KRT14: variants seen among roughly 807,000 people sequenced by gnomAD.
KRT14 encodes keratin, type I cytoskeletal 14.
Under a neutral mutation model 44.5 loss-of-function variants are expected in KRT14, and 30 were observed. The ratio of observed to expected loss-of-function variants is 0.67; its 90% confidence interval spans 0.50 to 0.92. KRT14 has a LOEUF of 0.92. KRT14 is among the 40% of genes least tolerant of loss of function. The probability of loss-of-function intolerance (pLI) is 0.00; values close to 1 mark genes in which losing one functional copy is unlikely to be tolerated. For missense variants in KRT14, 535 were observed against 640.6 expected (o/e 0.84, Z 1.78); for synonymous variants, 241 against 257.6 (o/e 0.94, Z 0.62).
rs767641928 is a variant in KRT14 at position 41,583,584 on chromosome 17, G to A, written c.1020C>T (p.Asn340=). ...GCTGGGACTGCAGCTCAATCTCCAG[G>A]TTCTGCATGGTGCGCCGGAGCTCCG... is the stretch of plus-strand genomic sequence containing the variant. The part of the protein sequence containing the change: ...EISELRRTMQ[N]LEIELQSQLS... Residue 340 remains asparagine (N), a synonymous_variant, in exon 5 of 8, where the codon AAC becomes AAT. Coordinates refer to ENST00000167586, the MANE Select transcript of KRT14 (RefSeq NM_000526.5). 1 of 1,614,208 alleles carries A rather than the reference G, an allele frequency of 6.2e-7. No homozygotes were observed. The highest frequency in any genetic ancestry group is 1.1e-5 in the South Asian group (1 of 91,084).
chr17:41,584,972 C>T lies in KRT14; in HGVS notation c.608+3G>A, dbSNP rs757643841. 4 of 1,611,970 alleles carry T rather than the reference C, an allele frequency of 2.5e-6. No individual in the cohort carries two copies. In the African/African-American group the frequency reaches 4.0e-5, roughly 16 times the overall value. ...ATGTTCTGGCCCACCATTTCAAACT[C>T]ACTTGGTGCGGAAGTCATCCGCGGC... On this transcript the variant is annotated splice_donor_region_variant and intron_variant, in intron 2 of 7. Coordinates refer to ENST00000167586, the MANE Select transcript of KRT14 (RefSeq NM_000526.5).
At chr17:41,586,119 G>A (rs544038435) in intron 1 of KRT14, among the ~76,000 whole-genome samples, 191 bp downstream of exon 1, 1 of 152,354 alleles carries the variant, frequency 6.6e-6, no homozygotes, top group Non-Finnish European at 1.5e-5. Context: ...GAGATCAGAA[G>A]GGGATGAGGA....
rs759373085 is a variant in KRT14 at position 41,586,412 on chromosome 17, G to A, written c.423C>T (p.Ala141=). 17 of 1,613,882 alleles carry A rather than the reference G, an allele frequency of 1.1e-5. No individual in the cohort carries two copies. Among genetic ancestry groups the A allele is most frequent in the African/African-American group, 2.7e-5 (2 of 74,882 alleles). The part of the protein sequence containing the change: ...DKVRALEEAN[A]DLEVKIRDWY... ...AGTCACGGATCTTCACTTCCAGGTC[G>A]GCGTTGGCCTCCTCCAGAGCACGCA... The change falls in exon 1 of 8, where the codon GCC becomes GCT. Residue 141 remains alanine, a synonymous_variant. Coordinates refer to ENST00000167586, the MANE Select transcript of KRT14 (RefSeq NM_000526.5).
rs1272326607 is a variant in KRT14, at chr17:41,584,312, A to G, written c.710T>C (p.Met237Thr). The G allele has an allele frequency of 6.2e-7, 1 of 1,613,840 alleles. No homozygotes were observed. The highest frequency in any genetic ancestry group is 1.1e-5 in the South Asian group (1 of 91,068). Reference sequence around the variant, plus strand: ...CTCCTCCTTCAGGCTCTCAATCTGCATCTCCAGGTCAGCTCTGGCCAGGGT... The same window carrying G: ...CTCCTCCTTCAGGCTCTCAATCTGCGTCTCCAGGTCAGCTCTGGCCAGGGT... ...ELTLARADLE[M>T]QIESLKEELA... Residue 237 changes from methionine to threonine, a missense_variant, in exon 3 of 8, where the codon ATG becomes ACG. Coordinates refer to ENST00000167586, the MANE Select transcript of KRT14 (RefSeq NM_000526.5).
In KRT14 at chr17:41,583,656, CT is replaced by C; in HGVS notation, c.947del (p.Glu316GlyfsTer36). 6.2e-7 allele frequency: 1 copy of C among 1,614,220 alleles called. No homozygotes were observed. Among genetic ancestry groups the C allele is most frequent in the Non-Finnish European group, 8.5e-7 (1 of 1,180,040 alleles). On this transcript the variant is annotated frameshift_variant, in exon 5 of 8. Coordinates refer to ENST00000167586, the MANE Select transcript of KRT14 (RefSeq NM_000526.5). LOFTEE classifies it high-confidence loss of function. ...GCACCAGCTCGCTGTTGGTGGCCAC[CT>C]CGCGGTTCAGCTCCTCTGTCTGCAA... The part of the protein sequence containing the change: ...FFTKTEELNR[E>X]VATNSELVQS...
chr17:41,585,316 A>C (rs1455403540), intron 1 of KRT14, among the ~76,000 whole-genome samples: 4 of 152,150 alleles, frequency 2.6e-5, no homozygotes, highest in Non-Finnish European at 5.9e-5. Context: ...CAATTCTGCC[A>C]GTGTCTTGCT....
In KRT14 at chr17:41,585,073, G is replaced by A; in HGVS notation, c.526-16C>T. On this transcript the variant is annotated splice_polypyrimidine_tract_variant and intron_variant, in intron 1 of 7. Transcript: ENST00000167586. ...CTGTGAGAATCTGCAGGATGGAAAA[G>A]GCACAGGTAATTTGTCAAATGGACT... 1 of 1,601,412 alleles carries A rather than the reference G, an allele frequency of 6.2e-7. No homozygotes were observed. The highest frequency in any genetic ancestry group is 8.6e-7 in the Non-Finnish European group (1 of 1,168,724).
At position 41,586,744 on chromosome 17, in the gene KRT14, T is replaced by A. The variant is rs750673779; in HGVS notation, c.91A>T (p.Ile31Phe). 7.6e-6 allele frequency: 12 copies of A among 1,586,242 alleles called. No homozygotes were observed. In the South Asian group the frequency reaches 1.2e-4, roughly 16 times the overall value. ...GACCCTCCGGCCAGGACGGAGGAGA[T>A]GCGGCTGGAGCCGCCCCCGATGCCG... The part of the protein sequence containing the change: ...GGGIGGGSSR[I>F]SSVLAGGSCR... The change falls in exon 1 of 8, where the codon ATC (isoleucine) becomes TTC (phenylalanine). Residue 31 changes from isoleucine (I) to phenylalanine (F), a missense_variant. Transcript: ENST00000167586.
Position 41,583,689 on chromosome 17 carries a change from G to T in KRT14, c.928-13C>A. On this transcript the variant is annotated splice_polypyrimidine_tract_variant and intron_variant, in intron 4 of 7. Coordinates refer to ENST00000167586, the MANE Select transcript of KRT14 (RefSeq NM_000526.5). The stretch of plus-strand genomic sequence containing the variant: ...TCAGCTCCTCTGTCTGCAAAAAAGA[G>T]AATGCCATTCACACCAGAAGGCCCC... 5.0e-6 allele frequency: 8 copies of T among 1,614,260 alleles called. No individual in the cohort carries two copies. The highest frequency in any genetic ancestry group is 6.8e-6 in the Non-Finnish European group (8 of 1,180,056).
rs1174789424 is a variant in KRT14 at position 41,583,377 on chromosome 17, C to T, written c.1132G>A (p.Gly378Ser). 6.2e-7 allele frequency: 1 copy of T among 1,613,778 alleles called. No homozygotes were observed. The change falls in exon 6 of 8, where the codon GGC becomes AGC. Residue 378 changes from glycine (G) to serine (S), a missense_variant. Physicochemically the swap from Gly to Ser is moderately conservative, Grantham distance 56. Transcript: ENST00000167586. ...TGGGCCAGCTGCTCCTCCACGCTGC[C>T]AATCATCTCCTGGATCTGGGCCAGC... The part of the protein sequence containing the change: ...MQLAQIQEMI[G>S]SVEEQLAQLR...
chr17:41,584,066 TCTC>T (rs1489287524), intron 3 of KRT14, 145 bp from the exon 4 acceptor site: 17 of 360,876 alleles, frequency 4.7e-5, no homozygotes, highest in Middle Eastern at 4.9e-4. Context: ...TCTCTCTCTC[TCTC>T]TTTTTTTTTT....
chr17:41,582,452 G>A lies in KRT14; in HGVS notation c.1402C>T (p.Leu468Phe). The change falls in exon 8 of 8, where the codon CTT becomes TTT. Residue 468 changes from leucine (L) to phenylalanine (F), a missense_variant. Physicochemically the swap from Leu to Phe is conservative, Grantham distance 22. Transcript: ENST00000167586. Reference sequence around the variant, plus strand: ...GGGCAGCCTCAGTTCTTGGTGCGAAGGACCTGCTCGTGGGTGGACACCACC... The same window carrying A: ...GGGCAGCCTCAGTTCTTGGTGCGAAAGACCTGCTCGTGGGTGGACACCACC... ...GKVVSTHEQV[L>F]RTKN 1.9e-6 allele frequency: 3 copies of A among 1,567,752 alleles called. No homozygotes were observed. Among genetic ancestry groups the A allele is most frequent in the Non-Finnish European group, 2.6e-6 (3 of 1,156,360 alleles).
At position 41,583,254 on chromosome 17, in the gene KRT14, G is replaced by T; in HGVS notation, c.1255C>A (p.Leu419Met). The T allele has an allele frequency of 1.2e-6, 2 of 1,613,532 alleles. No homozygotes were observed. Among genetic ancestry groups the T allele is most frequent in the Non-Finnish European group, 1.7e-6 (2 of 1,179,978 alleles). The change falls in exon 6 of 8, where the codon CTG (leucine) becomes ATG (methionine). Residue 419 changes from leucine to methionine, a missense_variant. Leu to Met is a conservative substitution (Grantham distance 15, BLOSUM62 2). Coordinates refer to ENST00000167586, the MANE Select transcript of KRT14 (RefSeq NM_000526.5). The stretch of plus-strand genomic sequence containing the variant: ...ACTCACTGGGCGTCCTCGCCCTCCA[G>T]CAGGCGGCGGTAGGTGGCGATCTCC... ...EQEIATYRRL[L>M]EGEDAHLSSS...
chr17:41,582,402 GGGCCTCCTA>G lies in KRT14; in HGVS notation c.*24_*32del. On this transcript the variant is annotated 3_prime_UTR_variant, in exon 8 of 8. Coordinates refer to ENST00000167586, the MANE Select transcript of KRT14 (RefSeq NM_000526.5). ...CCAGTGGGATCTGTGTCCACACGGG[GGGCCTCCTA>G]GGCCTGAGCGGGGCTGGGCAGCCTC... 1 of 1,504,736 alleles carries G rather than the reference GGGCCTCCTA, an allele frequency of 6.6e-7. No homozygotes were observed. Among genetic ancestry groups the G allele is most frequent in the South Asian group, 1.2e-5 (1 of 83,184 alleles). 93.2% of individuals were successfully genotyped at this position (1,504,736 alleles called of 1,614,324 possible).
chr17:41,584,880 A>G (rs998586963), intron 2 of KRT14, 95 bp downstream of exon 2: 4 of 924,672 alleles, frequency 4.3e-6, no homozygotes, highest in South Asian at 2.7e-5. Context: ...TCATGCACCT[A>G]TCCTGGTACT....
At chr17:41,585,427 G>C (rs1200117980) in intron 1 of KRT14, among the ~76,000 whole-genome samples, 2 of 152,174 alleles carry the variant, frequency 1.3e-5, no homozygotes, top group African/African-American at 4.8e-5. Flanking sequence ...CCTCTCTTCT[G>C]TCTGCATCAG....
At chr17:41,586,039 C>T (rs1470721686) in intron 1 of KRT14, among the ~76,000 whole-genome samples, 1 of 152,222 alleles carries the variant, frequency 6.6e-6, no homozygotes, top group African/African-American at 2.4e-5. Context: ...CAGCACCTCT[C>T]GAAGCTTCAA....
chr17:41,584,074 T>TTTG, intron 3 of KRT14, among the ~76,000 whole-genome samples, 153 bp from the exon 4 acceptor site: 1 of 128,288 alleles, frequency 7.8e-6, no homozygotes, highest in South Asian at 2.8e-4. Context: ...TCTCTCTTTT[T>TTTG]TTTTTTTTTT....
At chr17:41,585,514 C>T (rs961340361) in intron 1 of KRT14, among the ~76,000 whole-genome samples, 1 of 152,204 alleles carries the variant, frequency 6.6e-6, no homozygotes, top group Non-Finnish European at 1.5e-5. Context: ...GTGGAACTTT[C>T]TCAAGAGATA....
Sources: allele counts gnomAD v4.1 joint callset (sites outside exome capture counted in the v4.1 genomes callset), GRCh38; gene constraint gnomAD v4.1.1; transcripts MANE v1.5; gene names NCBI Gene and HGNC (gene_info 2026-07-23, HGNC 2026-07-21).